The following PRDM5 variants were observed in gnomAD, a reference collection of about 807,000 sequenced individuals.
The protein encoded by PRDM5 is PR domain zinc finger protein 5.
PRDM5 carries 56 observed loss-of-function variants against 81.2 expected under a neutral mutation model. That is an observed-to-expected ratio of 0.69 (90% CI 0.56 to 0.86). The LOEUF (loss-of-function observed/expected upper bound fraction) is 0.86, where lower values mean the gene tolerates loss of function less well. Ranked by LOEUF, PRDM5 falls within the 40% of genes least tolerant of loss-of-function variation. The pLI is 0.00. For missense variants in PRDM5, 697 were observed against 770.1 expected, an observed-to-expected ratio of 0.91 and a Z score of 1.12; for synonymous variants, 267 against 256.4, an observed-to-expected ratio of 1.04 and a Z score of -0.39.
At chr4:120,886,405 CATA>C (rs1310638938) in intron 2 of PRDM5, among the ~76,000 whole-genome samples, 1 of 152,184 alleles carries the variant, frequency 6.6e-6, no homozygotes, top group Non-Finnish European at 1.5e-5. Flanking sequence ...GCTGTAATCA[CATA>C]ATAACTGCAA....
At chr4:120,784,044 A>C (rs1039966888) in intron 11 of PRDM5, among the ~76,000 whole-genome samples, 3 of 152,178 alleles carry the variant, frequency 2.0e-5, no homozygotes, top group African/African-American at 7.2e-5. Flanking sequence ...TAAGCTAATT[A>C]ACTTAAAAGT....
intron 15 of PRDM5, among the ~76,000 whole-genome samples, chr4:120,701,825 T>C (rs1259731795): frequency 6.6e-6 from 1 of 151,496 alleles, no homozygotes; most frequent in Non-Finnish European, 1.5e-5. Flanking sequence ...AAAATAGAAA[T>C]TGAAAAAAAA....
In PRDM5 at chr4:120,700,553, A is replaced by C. The variant is rs186880438; in HGVS notation, c.1729-5278T>G. Among the ~76,000 whole-genome samples, 4 of 152,352 alleles carry C rather than the reference A, an allele frequency of 2.6e-5. No homozygotes were observed. The East Asian group carries it at 7.7e-4, about 29-fold the overall frequency. On this transcript the variant is annotated intron_variant, in intron 15 of 15. Transcript: ENST00000264808. Reference sequence around the variant, plus strand: ...GAGAAAATATTCACAAACTGTATCCAACAGTTCTAATGTCCAGAATCTGTA... The same window carrying C: ...GAGAAAATATTCACAAACTGTATCCCACAGTTCTAATGTCCAGAATCTGTA...
chr4:120,728,060 C>T (rs774446845), intron 14 of PRDM5, among the ~76,000 whole-genome samples: 1 of 152,046 alleles, frequency 6.6e-6, no homozygotes, highest in African/African-American at 2.4e-5. Flanking sequence ...CACAGCTTAG[C>T]CTGGCCCAAC....
In PRDM5 at chr4:120,882,168, A is replaced by G. The variant is rs942224242; in HGVS notation, c.177+25306T>C. Among the ~76,000 whole-genome samples, 3 of 152,112 alleles carry G rather than the reference A, an allele frequency of 2.0e-5. No individual in the cohort carries two copies. The East Asian group carries it at 5.8e-4, about 29-fold the overall frequency. On this transcript the variant is annotated intron_variant, in intron 2 of 15. Coordinates refer to ENST00000264808, the MANE Select transcript of PRDM5 (RefSeq NM_018699.4). ...AAAAGCACAGCAATGGTGCCAGGAG[A>G]GTGTGTCCAGCAAGCCACTGAGACT...
intron 8 of PRDM5, among the ~76,000 whole-genome samples, chr4:120,804,239 C>T (rs568559844): frequency 1.3e-5 from 2 of 152,160 alleles, no homozygotes; most frequent in Admixed American, 6.5e-5. Flanking sequence ...TAGACTCCCA[C>T]ACAATAATAA....
rs1747838261 is a variant in PRDM5 at position 120,774,872 on chromosome 4, C to G, written c.1537+2316G>C. Among the ~76,000 whole-genome samples, 4 of 121,010 alleles carry G rather than the reference C, an allele frequency of 3.3e-5. No individual in the cohort carries two copies. The South Asian group carries it at 1.2e-3, about 36-fold the overall frequency. 79.4% of individuals were successfully genotyped at this position (121,010 alleles called of 152,430 possible). On this transcript the variant is annotated intron_variant, in intron 13 of 15. Transcript: ENST00000264808. ...TACACCACTTTCTCCTTCTCTGTCT[C>G]TCTCTCTCTCTCTTTCTATATATAT...
intron 15 of PRDM5, among the ~76,000 whole-genome samples, chr4:120,701,018 G>A (rs915230909): frequency 1.4e-4 from 21 of 152,068 alleles, no homozygotes; most frequent in African/African-American, 5.1e-4. Flanking sequence ...CCAGCTAGTC[G>A]GGAGGCTGAG....
chr4:120,742,170 C>A (rs549730046), intron 14 of PRDM5, among the ~76,000 whole-genome samples: 13 of 152,220 alleles, frequency 8.5e-5, no homozygotes, highest in Non-Finnish European at 1.8e-4. Context: ...CAGGGGCACA[C>A]TAACACCTCA....
intron 13 of PRDM5, among the ~76,000 whole-genome samples, chr4:120,763,831 T>C (rs1745979726): frequency 6.6e-6 from 1 of 151,866 alleles, no homozygotes; most frequent in East Asian, 1.9e-4. Context: ...AGGAGTTTCC[T>C]ATAAATAGTG....
chr4:120,852,415 A>C (rs1465039180), intron 3 of PRDM5, among the ~76,000 whole-genome samples: 1 of 152,138 alleles, frequency 6.6e-6, no homozygotes. Context: ...GGCCTCATCC[A>C]ATCATGCTGA....
chr4:120,846,095 CA>C (rs1758619968), intron 3 of PRDM5, among the ~76,000 whole-genome samples: 1 of 152,142 alleles, frequency 6.6e-6, no homozygotes, highest in Non-Finnish European at 1.5e-5. Flanking sequence ...TACAGATGAA[CA>C]AAGAAAGTAG....
chr4:120,738,143 C>T (rs960636918), intron 14 of PRDM5, among the ~76,000 whole-genome samples: 3 of 152,210 alleles, frequency 2.0e-5, no homozygotes, highest in East Asian at 1.9e-4. Flanking sequence ...AAATAGGGAA[C>T]GTCCCAACCA....
rs745314631 is a variant in PRDM5 at position 120,816,550 on chromosome 4, G to A, written c.768C>T (p.Cys256=). 1.2e-6 allele frequency: 2 copies of A among 1,614,036 alleles called. No homozygotes were observed. The highest frequency in any genetic ancestry group is 8.5e-7 in the Non-Finnish European group (1 of 1,180,004). Reference sequence around the variant, plus strand: ...TGCACACAAACCTGGCATCCCCCCGGCAAGTCTCCTGGTGCTGCTCAAAAC... The same window carrying A: ...TGCACACAAACCTGGCATCCCCCCGACAAGTCTCCTGGTGCTGCTCAAAAC... ...ASSFEQHQET[C]RGDARFVCKA... is the part of the protein sequence containing the mutation. Residue 256 remains cysteine (C), a synonymous_variant, in exon 7 of 16, where the codon TGC becomes TGT. Coordinates refer to ENST00000264808, the MANE Select transcript of PRDM5 (RefSeq NM_018699.4).
chr4:120,839,681 C>T (rs1357685138), intron 3 of PRDM5, among the ~76,000 whole-genome samples: 2 of 152,176 alleles, frequency 1.3e-5, no homozygotes, highest in Non-Finnish European at 2.9e-5. Flanking sequence ...TCAGGCAATC[C>T]CTAGCCTGAA....
downstream of PRDM5, among the ~76,000 whole-genome samples, chr4:120,689,608 T>C (rs892284972): frequency 6.6e-6 from 1 of 151,940 alleles, no homozygotes; most frequent in Admixed American, 6.6e-5. Flanking sequence ...TTCTTTTTTT[T>C]TTTTTTCTTT....
intron 14 of PRDM5, among the ~76,000 whole-genome samples, chr4:120,724,903 A>G (rs1478406176): frequency 6.6e-6 from 1 of 152,208 alleles, no homozygotes; most frequent in Non-Finnish European, 1.5e-5. Flanking sequence ...ATCAATATAA[A>G]TTACATCTCT....
At chr4:120,840,980 G>A (rs12508048) in intron 3 of PRDM5, among the ~76,000 whole-genome samples, 31,671 of 152,148 alleles carry the variant, frequency 0.21, 3,779 homozygotes, top group Non-Finnish European at 0.28. Context: ...ATGGGTCTAC[G>A]GCACAGGGGT....
intron 2 of PRDM5, among the ~76,000 whole-genome samples, chr4:120,891,666 G>A (rs954012617): frequency 8.6e-5 from 13 of 151,976 alleles, no homozygotes; most frequent in African/African-American, 2.9e-4. Flanking sequence ...TTGAGACAGA[G>A]TCTCACTGTG....
Sources: allele counts gnomAD v4.1 joint callset (sites outside exome capture counted in the v4.1 genomes callset), GRCh38; gene constraint gnomAD v4.1.1; transcripts MANE v1.5; gene names NCBI Gene and HGNC (gene_info 2026-07-23, HGNC 2026-07-21).